Variants in RPS6KA2 observed in about 807,000 individuals in gnomAD.
RPS6KA2 encodes ribosomal protein S6 kinase alpha-2.
Under a neutral mutation model 91.8 loss-of-function variants are expected in RPS6KA2, and 42 were observed. The observed-to-expected ratio is 0.46, with a 90% CI of 0.36 to 0.59. The LOEUF (loss-of-function observed/expected upper bound fraction) is 0.59. Ranked by LOEUF, RPS6KA2 falls within the 20% of genes least tolerant of loss-of-function variation. The pLI is 0.00. For synonymous variants in RPS6KA2, 414 were observed against 393.6 expected, an observed-to-expected ratio of 1.05 and a Z score of -0.61; for missense variants, 798 against 978.5, an observed-to-expected ratio of 0.82 and a Z score of 2.46.
In RPS6KA2 at chr6:166,754,099, G is replaced by A. The variant is rs554879366; in HGVS notation, c.123+104101C>T. On this transcript the variant is annotated intron_variant, in intron 2 of 21. Transcript: ENST00000503859. ...CATGCAGTGATGACTGCCTAGGACCGCCTCAGTGCCTGGAACGGTTTCTCA... is the reference window on the plus strand; with the variant it reads ...CATGCAGTGATGACTGCCTAGGACCACCTCAGTGCCTGGAACGGTTTCTCA... 5.9e-5 allele frequency among the ~76,000 whole-genome samples: 9 copies of A among 152,252 alleles called. No individual in the cohort carries two copies. The South Asian group carries it at 1.2e-3, about 21-fold the overall frequency.
At chr6:166,491,359 T>A (rs1210006670) in intron 8 of RPS6KA2, among the ~76,000 whole-genome samples, 1 of 152,180 alleles carries the variant, frequency 6.6e-6, no homozygotes, top group Non-Finnish European at 1.5e-5. Context: ...CACAGCCTTG[T>A]CTGAGCATGG....
rs1789558122 is a variant in RPS6KA2, at chr6:166,702,584, G to A, written c.123+155616C>T. The stretch of plus-strand genomic sequence containing the variant: ...CACTGTAAGTGAGGAGGGATATTTC[G>A]TATCTGAAGTTTCCGAATCCTTTGC... On this transcript the variant is annotated intron_variant, in intron 2 of 21. Transcript: ENST00000503859. 15 of 1,480,114 alleles carry A rather than the reference G, an allele frequency of 1.0e-5. No homozygotes were observed. The East Asian group carries it at 2.0e-4, about 20-fold the overall frequency. The allele number at this position is 1,480,114 out of a possible 1,614,324, so 91.7% of individuals were successfully genotyped here.
Position 166,459,074 on chromosome 6 carries a change from T to C in RPS6KA2, c.1075+375A>G, listed in dbSNP as rs1187735824. Among the ~76,000 whole-genome samples, 4 of 152,230 alleles carry C rather than the reference T, an allele frequency of 2.6e-5. No homozygotes were observed. Among genetic ancestry groups the C allele is most frequent in the African/African-American group, 7.2e-5 (3 of 41,462 alleles). On this transcript the variant is annotated intron_variant, in intron 12 of 20. Coordinates refer to ENST00000265678, the MANE Select transcript of RPS6KA2 (RefSeq NM_021135.6). This position sits in a 1 kb window ranked among gnomAD's most constrained non-coding sequence, Gnocchi z 4.9. Reference sequence around the variant, plus strand: ...ATAATATCTATAGCTCATAAATCTATAGACATAACTGACAGCCTTCCCTCT... The same window carrying C: ...ATAATATCTATAGCTCATAAATCTACAGACATAACTGACAGCCTTCCCTCT...
At chr6:166,621,283 G>T (rs144751976) in intron 1 of RPS6KA2, among the ~76,000 whole-genome samples, 2 of 152,190 alleles carry the variant, frequency 1.3e-5, no homozygotes. Flanking sequence ...GTATGGTTAC[G>T]CACATTTGTC....
intron 2 of RPS6KA2, among the ~76,000 whole-genome samples, chr6:166,785,072 C>T (rs1221528278): frequency 6.6e-6 from 1 of 152,230 alleles, no homozygotes; most frequent in Non-Finnish European, 1.5e-5. Flanking sequence ...ATGTGTAAAT[C>T]TTTCTGTGTT....
intron 1 of RPS6KA2, among the ~76,000 whole-genome samples, chr6:166,619,562 GAC>G (rs958522416): frequency 2.4e-4 from 36 of 152,314 alleles, no homozygotes; most frequent in Non-Finnish European, 4.7e-4. Context: ...TGCAGGAGCT[GAC>G]GGCCATGTGG....
intron 2 of RPS6KA2, among the ~76,000 whole-genome samples, chr6:166,819,824 G>A (rs1369310935): frequency 6.6e-6 from 1 of 152,260 alleles, no homozygotes; most frequent in East Asian, 1.9e-4. Flanking sequence ...GAATAATCTT[G>A]TATTTACTGT....
intron 1 of RPS6KA2, among the ~76,000 whole-genome samples, chr6:166,608,155 C>T (rs1033198915): frequency 2.6e-5 from 4 of 152,140 alleles, no homozygotes; most frequent in Admixed American, 2.0e-4. Context: ...GAATTTTTCA[C>T]AAAGACTCCC....
At chr6:166,559,328 A>ATACATGGGTAGGATGC (rs1190271328) in intron 1 of RPS6KA2, among the ~76,000 whole-genome samples, 1 of 152,194 alleles carries the variant, frequency 6.6e-6, no homozygotes, top group Non-Finnish European at 1.5e-5. Context: ...ACAGGAGAAA[A>ATACATGGGTAGGATGC]TACATGGGTA....
rs1778343134 is a variant in RPS6KA2 at position 166,767,469 on chromosome 6, C to A, written c.123+90731G>T. 6.6e-6 allele frequency among the ~76,000 whole-genome samples: 1 copy of A among 152,170 alleles called. No individual in the cohort carries two copies. Among genetic ancestry groups the A allele is most frequent in the Non-Finnish European group, 1.5e-5 (1 of 68,034 alleles). ...CAGAGAAGCCAGCTCGCGCTCCCTT[C>A]AGGATCCTACTTGGAAAATTAATTT... On this transcript the variant is annotated intron_variant, in intron 2 of 21. Transcript: ENST00000503859. The surrounding 1 kb of genome is among the most constrained non-coding windows in gnomAD (Gnocchi z 4.6).
chr6:166,527,913 G>A lies in RPS6KA2; in HGVS notation c.298+3319C>T, dbSNP rs147130629. Among the ~76,000 whole-genome samples the A allele has an allele frequency of 7.6e-4, 116 of 152,332 alleles. No individual in the cohort carries two copies. In the Middle Eastern group the frequency reaches 0.014, roughly 18 times the overall value. On this transcript the variant is annotated intron_variant, in intron 3 of 20. Transcript: ENST00000265678. ...CCTTTCTATTGCCCAATATCATTCC[G>A]TTGAATAGATAGACACTTTATTTTT...
At chr6:166,691,125 G>A (rs904905406) in intron 2 of RPS6KA2, among the ~76,000 whole-genome samples, 5 of 152,150 alleles carry the variant, frequency 3.3e-5, no homozygotes, top group African/African-American at 4.8e-5. Flanking sequence ...GGAGACCTGC[G>A]CTCTGTCATA....
In RPS6KA2 at chr6:166,663,255, A is replaced by C. The variant is rs141133510; in HGVS notation, c.124-124471T>G. Among the ~76,000 whole-genome samples, 727 of 152,356 alleles carry C rather than the reference A, an allele frequency of 4.8e-3. 7 individuals are homozygous for C. The highest frequency in any genetic ancestry group is 0.017 in the Middle Eastern group (5 of 294). ...TGTATCATCCCAGAAGGCAAGGATGAAAATCTTCACTCAGGTCAGCTTTGC... is the reference window on the plus strand; with the variant it reads ...TGTATCATCCCAGAAGGCAAGGATGCAAATCTTCACTCAGGTCAGCTTTGC... On this transcript the variant is annotated intron_variant, in intron 2 of 21. Transcript: ENST00000503859.
chr6:166,772,621 G>T (rs890177547), intron 2 of RPS6KA2, among the ~76,000 whole-genome samples: 2 of 152,134 alleles, frequency 1.3e-5, no homozygotes, highest in Non-Finnish European at 2.9e-5. Flanking sequence ...TCCCAAATGT[G>T]CCGCAATGTT....
At chr6:166,483,894 G>A (rs1430302149) in intron 10 of RPS6KA2, among the ~76,000 whole-genome samples, 1 of 152,270 alleles carries the variant, frequency 6.6e-6, no homozygotes, top group East Asian at 1.9e-4. Flanking sequence ...GATGACAGGT[G>A]CGCATGCTTG....
chr6:166,697,151 G>A (rs539695866), intron 2 of RPS6KA2, among the ~76,000 whole-genome samples: 4 of 151,980 alleles, frequency 2.6e-5, no homozygotes, highest in East Asian at 1.9e-4. Flanking sequence ...TATCGGTTTT[G>A]TTTCTCTGGT....
rs900216271 is a variant in RPS6KA2 at position 166,626,672 on chromosome 6, A to C, written c.99+249T>G. Among the ~76,000 whole-genome samples the C allele has an allele frequency of 2.6e-5, 4 of 152,194 alleles. No individual in the cohort carries two copies. The highest frequency in any genetic ancestry group is 5.9e-5 in the Non-Finnish European group (4 of 68,020). On this transcript the variant is annotated intron_variant, in intron 1 of 20. Coordinates refer to ENST00000265678, the MANE Select transcript of RPS6KA2 (RefSeq NM_021135.6). This position sits in a 1 kb window ranked among gnomAD's most constrained non-coding sequence, Gnocchi z 4.1. ...CCACACCCCGTGCAGCCAGCGGCGG[A>C]GAAACCAGCTGGAAATGCAGTGGGG...
At chr6:166,736,265 G>T (rs1234526246) in intron 2 of RPS6KA2, among the ~76,000 whole-genome samples, 1 of 152,166 alleles carries the variant, frequency 6.6e-6, no homozygotes, top group African/African-American at 2.4e-5. Flanking sequence ...GGGTCATTTT[G>T]TTCTGCTCTT....
Position 166,504,624 on chromosome 6 carries a change from A to G in RPS6KA2, c.460-12T>C, listed in dbSNP as rs200756723. ...TCCGTGAACATGACCTAGTAAGAAAAAAACAAAAACAAAAACAAAAAACGT... is the reference window on the plus strand; with the variant it reads ...TCCGTGAACATGACCTAGTAAGAAAGAAACAAAAACAAAAACAAAAAACGT... On this transcript the variant is annotated splice_polypyrimidine_tract_variant and intron_variant, in intron 5 of 20. Transcript: ENST00000265678. 6.6e-7 allele frequency: 1 copy of G among 1,514,708 alleles called. No individual in the cohort carries two copies. Among genetic ancestry groups the G allele is most frequent in the African/African-American group, 1.4e-5 (1 of 71,502 alleles). 93.8% of individuals were successfully genotyped at this position (1,514,708 alleles called of 1,614,324 possible).
Sources: allele counts gnomAD v4.1 joint callset (sites outside exome capture counted in the v4.1 genomes callset), GRCh38; gene constraint gnomAD v4.1.1; non-coding constraint Gnocchi (gnomAD v3.1); transcripts MANE v1.5; gene names NCBI Gene and HGNC (gene_info 2026-07-23, HGNC 2026-07-21).